The following COX7B2 variants were observed in gnomAD, a reference collection of about 807,000 sequenced individuals.
The protein encoded by COX7B2 is cytochrome c oxidase subunit 7B2, also known as cytochrome c oxidase subunit 7B2, mitochondrial.
For synonymous variants in COX7B2, 37 were observed against 32.1 expected, an observed-to-expected ratio of 1.15 and a Z score of -0.51; for missense variants, 109 against 95.9, an observed-to-expected ratio of 1.14 and a Z score of -0.57.
At chr4:46,840,828 G>A (rs571301408) in intron 2 of COX7B2, among the ~76,000 whole-genome samples, 2 of 152,054 alleles carry the variant, frequency 1.3e-5, no homozygotes, top group Admixed American at 1.3e-4. Context: ...ATTCAGGCTG[G>A]GTGTATGCTT....
chr4:46,887,419 G>A (rs1253068130), intron 1 of COX7B2, among the ~76,000 whole-genome samples: 1 of 151,978 alleles, frequency 6.6e-6, no homozygotes, highest in East Asian at 1.9e-4. Flanking sequence ...ACTTTAAAAA[G>A]TAAATATCCT....
At chr4:46,904,270 C>G (rs564442153) in intron 1 of COX7B2, among the ~76,000 whole-genome samples, 1 of 152,066 alleles carries the variant, frequency 6.6e-6, no homozygotes, top group Non-Finnish European at 1.5e-5. Context: ...AAATGACACA[C>G]TAGAGAAAAA....
At chr4:46,896,763 C>G (rs1426474770) in intron 1 of COX7B2, among the ~76,000 whole-genome samples, 1 of 152,166 alleles carries the variant, frequency 6.6e-6, no homozygotes, top group Non-Finnish European at 1.5e-5. Flanking sequence ...AACAGGCACC[C>G]TCTGCTTTTG....
rs752092362 is a variant in COX7B2, at chr4:46,870,248, A to G, written c.-104-25234T>C. Among the ~76,000 whole-genome samples, 7 of 152,262 alleles carry G rather than the reference A, an allele frequency of 4.6e-5. No homozygotes were observed. In the Middle Eastern group the frequency reaches 0.01, roughly 222 times the overall value. On this transcript the variant is annotated intron_variant, in intron 1 of 2. Transcript: ENST00000355591. ...AGGACAAAAACCACATGATTACCTC[A>G]ATAGGCACAGAAAAGGCTTTTGATA... is the stretch of plus-strand genomic sequence containing the variant.
intron 2 of COX7B2, among the ~76,000 whole-genome samples, chr4:46,741,562 C>T (rs943722256): frequency 3.9e-5 from 6 of 152,010 alleles, no homozygotes; most frequent in African/African-American, 1.4e-4. Context: ...GAGAAGGCAA[C>T]TTAAAATCTA....
chr4:46,747,629 C>G (rs1715104058), intron 2 of COX7B2, among the ~76,000 whole-genome samples: 1 of 152,116 alleles, frequency 6.6e-6, no homozygotes, highest in Non-Finnish European at 1.5e-5. Context: ...GTGGACTTTT[C>G]TTCACCTATC....
intron 1 of COX7B2, among the ~76,000 whole-genome samples, chr4:46,855,045 A>T (rs955200135): frequency 1.3e-5 from 2 of 152,168 alleles, no homozygotes; most frequent in African/African-American, 4.8e-5. Flanking sequence ...AAAGTTTATT[A>T]GGCCAGGTGC....
chr4:46,886,868 A>C lies in COX7B2; in HGVS notation c.-105+22292T>G, dbSNP rs1265847342. Among the ~76,000 whole-genome samples, 3 of 152,320 alleles carry C rather than the reference A, an allele frequency of 2.0e-5. No individual in the cohort carries two copies. In the East Asian group the frequency reaches 5.8e-4, roughly 29 times the overall value. On this transcript the variant is annotated intron_variant, in intron 1 of 2. Coordinates refer to ENST00000355591, the MANE Select transcript of COX7B2 (RefSeq NM_130902.3). Reference sequence around the variant, plus strand: ...ATGCCTTTTCACAGATTTAAGGAACACTTGATAAAGGAAAGAGAAAACCCT... The same window carrying C: ...ATGCCTTTTCACAGATTTAAGGAACCCTTGATAAAGGAAAGAGAAAACCCT...
chr4:46,754,576 G>A (rs1577665270), intron 2 of COX7B2, among the ~76,000 whole-genome samples: 1 of 147,362 alleles, frequency 6.8e-6, no homozygotes, highest in African/African-American at 2.5e-5. Context: ...AGCATTAGGA[G>A]ATATACCTAA....
At chr4:46,768,035 C>T (rs1716649585) in intron 2 of COX7B2, among the ~76,000 whole-genome samples, 1 of 152,242 alleles carries the variant, frequency 6.6e-6, no homozygotes, top group African/African-American at 2.4e-5. Context: ...CAGCGGTTGC[C>T]CGCAACCTCT....
intron 2 of COX7B2, among the ~76,000 whole-genome samples, chr4:46,807,192 T>C (rs1719045660): frequency 6.6e-6 from 1 of 152,016 alleles, no homozygotes; most frequent in Admixed American, 6.5e-5. Flanking sequence ...CTTTTGTTTT[T>C]TTTATAATAG....
At chr4:46,736,891 A>G (rs927841228) in intron 2 of COX7B2, among the ~76,000 whole-genome samples, 5 of 152,236 alleles carry the variant, frequency 3.3e-5, no homozygotes, top group African/African-American at 4.8e-5. Flanking sequence ...AGATTCAATT[A>G]GTACGAATAC....
At chr4:46,811,717 G>T (rs576765029) in intron 2 of COX7B2, among the ~76,000 whole-genome samples, 1 of 152,034 alleles carries the variant, frequency 6.6e-6, no homozygotes, top group Admixed American at 6.6e-5. Flanking sequence ...CATGTTTCTT[G>T]TGTCTCTGAA....
chr4:46,774,039 A>G (rs538031151), intron 2 of COX7B2, among the ~76,000 whole-genome samples: 4 of 152,164 alleles, frequency 2.6e-5, no homozygotes, highest in South Asian at 2.1e-4. Context: ...CTCATTAACA[A>G]TCTCCTGCTA....
intron 2 of COX7B2, among the ~76,000 whole-genome samples, chr4:46,839,038 G>A (rs573523208): frequency 6.6e-6 from 1 of 151,876 alleles, no homozygotes; most frequent in Admixed American, 6.6e-5. Context: ...TTTATTTTAG[G>A]AATATTTTCT....
chr4:46,835,016 TAAAC>T (rs947264807), intron 2 of COX7B2, among the ~76,000 whole-genome samples: 2 of 152,142 alleles, frequency 1.3e-5, no homozygotes, highest in African/African-American at 4.8e-5. Flanking sequence ...GAGTAATTCT[TAAAC>T]AAGAAAAACT....
chr4:46,829,075 G>A (rs575210242), intron 2 of COX7B2, among the ~76,000 whole-genome samples: 29 of 152,222 alleles, frequency 1.9e-4, no homozygotes, highest in African/African-American at 6.3e-4. Context: ...TGAGATTACC[G>A]TCTTTCTGCA....
chr4:46,758,250 A>T (rs1352867328), intron 2 of COX7B2, among the ~76,000 whole-genome samples: 1 of 140,692 alleles, frequency 7.1e-6, no homozygotes, highest in Admixed American at 7.7e-5. Context: ...AATTTTAGAT[A>T]TGCTACTTTC....
At position 46,734,843 on chromosome 4, in the gene COX7B2, A is replaced by G. The variant is rs912353780; in HGVS notation, c.*104T>C. ...TGCAATGACTTTTTAAAGATTTAAA[A>G]CACATTTTATTTTTTCAATTGTGCT... On this transcript the variant is annotated 3_prime_UTR_variant, in exon 3 of 3. Transcript: ENST00000355591. 7.4e-7 allele frequency: 1 copy of G among 1,359,730 alleles called. No individual in the cohort carries two copies. The highest frequency in any genetic ancestry group is 1.3e-5 in the South Asian group (1 of 78,892). The allele number at this position is 1,359,730 out of a possible 1,614,324, so 84.2% of individuals were successfully genotyped here. A position where few individuals can be genotyped will look rare whatever the true frequency, so the allele number is the denominator to read the frequency against.
Sources: allele counts gnomAD v4.1 joint callset (sites outside exome capture counted in the v4.1 genomes callset), GRCh38; gene constraint gnomAD v4.1.1; transcripts MANE v1.5; gene names NCBI Gene and HGNC (gene_info 2026-07-23, HGNC 2026-07-21).